The following ANKRD33B variants were observed in gnomAD, a reference collection of about 807,000 sequenced individuals.
ANKRD33B encodes ankyrin repeat domain-containing protein 33B.
Under a neutral mutation model 21.5 loss-of-function variants are expected in ANKRD33B, and 6 were observed. The ratio of observed to expected loss-of-function variants is 0.28; its 90% CI spans 0.15 to 0.55. The LOEUF is 0.55. ANKRD33B is among the 20% of genes least tolerant of loss of function. ANKRD33B has a pLI of 0.94. For missense variants in ANKRD33B, 698 were observed against 747.2 expected, an observed-to-expected ratio of 0.93 and a Z score of 0.77; for synonymous variants, 347 against 342.4, an observed-to-expected ratio of 1.01 and a Z score of -0.15.
At chr5:10,632,510 T>C (rs906212458) in intron 2 of ANKRD33B, among the ~76,000 whole-genome samples, 4 of 152,094 alleles carry the variant, frequency 2.6e-5, no homozygotes, top group African/African-American at 7.2e-5. Flanking sequence ...CCAGCTTTCC[T>C]CTTTTGCATA....
chr5:10,578,518 C>G (rs1479429881), intron 1 of ANKRD33B, among the ~76,000 whole-genome samples: 2 of 152,142 alleles, frequency 1.3e-5, no homozygotes, highest in East Asian at 3.9e-4. Flanking sequence ...CATGGGGACA[C>G]AGGACAGATA....
At chr5:10,565,007 C>T (rs1735016317) in intron 1 of ANKRD33B, among the ~76,000 whole-genome samples, 174 bp downstream of exon 1, 1 of 152,198 alleles carries the variant, frequency 6.6e-6, no homozygotes, top group African/African-American at 2.4e-5. Flanking sequence ...GGGTGGCTTC[C>T]CCGTCTCAGG....
chr5:10,574,727 G>C (rs1438483180), intron 1 of ANKRD33B, among the ~76,000 whole-genome samples: 1 of 152,130 alleles, frequency 6.6e-6, no homozygotes, highest in Non-Finnish European at 1.5e-5. Context: ...AGGATAACAG[G>C]TTATAGCACA....
chr5:10,592,713 G>A (rs773330670), intron 1 of ANKRD33B, among the ~76,000 whole-genome samples: 1 of 152,000 alleles, frequency 6.6e-6, no homozygotes, highest in Non-Finnish European at 1.5e-5. Context: ...TTGGCCACCT[G>A]TCTGCTCCTC....
At position 10,576,478 on chromosome 5, in the gene ANKRD33B, AGTTT is replaced by A. The variant is rs1735324469; in HGVS notation, c.366+11649_366+11652del. Among the ~76,000 whole-genome samples, 2 of 152,202 alleles carry A rather than the reference AGTTT, an allele frequency of 1.3e-5. No homozygotes were observed. Among genetic ancestry groups the A allele is most frequent in the Admixed American group, 1.3e-4 (2 of 15,278 alleles). On this transcript the variant is annotated intron_variant, in intron 1 of 3. Transcript: ENST00000296657. This position sits in a 1 kb window ranked among gnomAD's most constrained non-coding sequence, Gnocchi z 4.1. ...AGAACTTTTCTTAGAGTAGAAATCC[AGTTT>A]GTTGGTTGCATGATCCTGGACAAGT...
At chr5:10,635,392 C>G (rs981078360) in intron 2 of ANKRD33B, among the ~76,000 whole-genome samples, 5 of 152,190 alleles carry the variant, frequency 3.3e-5, no homozygotes, top group African/African-American at 1.2e-4. Context: ...CTCTGGGTAC[C>G]TGACAGCTGG....
chr5:10,649,932 C>A lies in ANKRD33B; in HGVS notation c.1304C>A (p.Thr435Asn). ...RVRVSKAPAP[T>N]FQPERPARKG... ...CGAGTCAGCAAGGCGCCCGCGCCCA[C>A]CTTCCAGCCCGAGCGGCCGGCGCGG... Residue 435 changes from threonine (T) to asparagine (N), a missense_variant, in exon 4 of 4, where the codon ACC becomes AAC. Thr to Asn is a moderately conservative substitution (Grantham distance 65, BLOSUM62 0). This residue lies in a region of ANKRD33B where 543 missense variants were observed against 566.5 expected (regional missense o/e 0.96). Transcript: ENST00000296657. 6.6e-7 allele frequency: 1 copy of A among 1,526,644 alleles called. No homozygotes were observed. The highest frequency in any genetic ancestry group is 8.8e-7 in the Non-Finnish European group (1 of 1,142,510). 94.6% of individuals were successfully genotyped at this position (1,526,644 alleles called of 1,614,324 possible). A position where few individuals can be genotyped will look rare whatever the true frequency, so the allele number is the denominator to read the frequency against.
intron 1 of ANKRD33B, among the ~76,000 whole-genome samples, chr5:10,568,639 A>T (rs1735110404): frequency 2.0e-5 from 3 of 152,184 alleles, no homozygotes; most frequent in South Asian, 4.1e-4. Flanking sequence ...GGTTCAAGTG[A>T]ATCTCCTGCC....
rs1560992695 is a variant in ANKRD33B, at chr5:10,653,946, C to G, written c.*3833C>G. On this transcript the variant is annotated 3_prime_UTR_variant, in exon 4 of 4. Transcript: ENST00000296657. ...CTTCTCTTCACCTGTCAGTGGCCACCACAGTGCCCCCTCTGGCTTTGCCAC... is the reference window on the plus strand; with the variant it reads ...CTTCTCTTCACCTGTCAGTGGCCACGACAGTGCCCCCTCTGGCTTTGCCAC... 6.6e-6 allele frequency: 1 copy of G among 152,542 alleles called. No homozygotes were observed. Among genetic ancestry groups the G allele is most frequent in the Admixed American group, 6.5e-5 (1 of 15,280 alleles). The allele number at this position is 152,542 out of a possible 1,614,324, so 9.4% of individuals were successfully genotyped here. A position where few individuals can be genotyped will look rare whatever the true frequency, so the allele number is the denominator to read the frequency against.
chr5:10,620,939 A>G (rs955454182), intron 2 of ANKRD33B, among the ~76,000 whole-genome samples: 4 of 152,172 alleles, frequency 2.6e-5, no homozygotes, highest in African/African-American at 9.7e-5. Context: ...CCTTTTCTGA[A>G]TCATTTATTT....
chr5:10,611,263 ATG>A (rs1277253761), intron 1 of ANKRD33B, among the ~76,000 whole-genome samples: 5 of 152,226 alleles, frequency 3.3e-5, no homozygotes, highest in Non-Finnish European at 7.3e-5. Flanking sequence ...ACCTTTGTTA[ATG>A]TTACCAATGA....
At position 10,564,401 on chromosome 5, in the gene ANKRD33B, GCGCGCGCCC is replaced by G; in HGVS notation, c.-62_-54del. ...GCAGAAGCGAGAAGCGGGGACCTCG[GCGCGCGCCC>G]CGCGTCCCGCTCTTCCTGCCCGCGC... On this transcript the variant is annotated 5_prime_UTR_variant, in exon 1 of 4. Coordinates refer to ENST00000296657, the MANE Select transcript of ANKRD33B (RefSeq NM_001164440.2). The G allele has an allele frequency of 1.0e-6, 1 of 990,908 alleles. No homozygotes were observed. The highest frequency in any genetic ancestry group is 1.2e-6 in the Non-Finnish European group (1 of 828,760). The allele number at this position is 990,908 out of a possible 1,614,324, so 61.4% of individuals were successfully genotyped here.
In ANKRD33B at chr5:10,650,139, C is replaced by CGGGGCT. The variant is rs61254624; in HGVS notation, c.*32_*37dup. The CGGGGCT allele has an allele frequency of 2.7e-5, 37 of 1,350,528 alleles. No homozygotes were observed. The highest frequency in any genetic ancestry group is 4.2e-5 in the South Asian group (3 of 71,896). The allele number at this position is 1,350,528 out of a possible 1,614,324, so 83.7% of individuals were successfully genotyped here. On this transcript the variant is annotated 3_prime_UTR_variant, in exon 4 of 4. Coordinates refer to ENST00000296657, the MANE Select transcript of ANKRD33B (RefSeq NM_001164440.2). ...GGGCCCGTGTGCCTGGCGCTGGGGCCGGGGCTGGGGCCGGGGCGGGGCCGC... is the reference window on the plus strand; with the variant it reads ...GGGCCCGTGTGCCTGGCGCTGGGGCCGGGGCTGGGGCTGGGGCCGGGGCGGGGCCGC...
At chr5:10,625,599 C>T (rs950115961) in intron 2 of ANKRD33B, among the ~76,000 whole-genome samples, 6 of 152,222 alleles carry the variant, frequency 3.9e-5, no homozygotes, top group Non-Finnish European at 7.3e-5. Flanking sequence ...ACCAAGACTT[C>T]AAATTTGAGA....
At chr5:10,638,394 G>A (rs1449976185) in intron 3 of ANKRD33B, among the ~76,000 whole-genome samples, 2 of 152,216 alleles carry the variant, frequency 1.3e-5, no homozygotes, top group Non-Finnish European at 2.9e-5. Context: ...GCTGAGCTTT[G>A]CAGTGGGTGG....
chr5:10,635,493 C>G (rs566358222), intron 2 of ANKRD33B, among the ~76,000 whole-genome samples: 1 of 152,188 alleles, frequency 6.6e-6, no homozygotes, highest in African/African-American at 2.4e-5. Context: ...CTGTGAGTCA[C>G]GCAGCGAGGG....
intron 1 of ANKRD33B, among the ~76,000 whole-genome samples, chr5:10,590,605 CGCGTGT>C (rs1329469515): frequency 0.012 from 1,119 of 95,342 alleles, 13 homozygotes; most frequent in African/African-American, 0.05. Flanking sequence ...CGCGCGCGCG[CGCGTGT>C]GTGTGTGTGT....
At chr5:10,609,417 T>G (rs1736117432) in intron 1 of ANKRD33B, among the ~76,000 whole-genome samples, 1 of 151,830 alleles carries the variant, frequency 6.6e-6, no homozygotes, top group South Asian at 2.1e-4. Flanking sequence ...CTGGATGTGG[T>G]GGTGCTCACC....
At chr5:10,607,636 G>C (rs542166724) in intron 1 of ANKRD33B, among the ~76,000 whole-genome samples, 67 of 152,342 alleles carry the variant, frequency 4.4e-4, no homozygotes, top group African/African-American at 1.4e-3. Flanking sequence ...ACTTTCACCA[G>C]CTTCTTCACA....
Sources: gnomAD v4.1 joint callset for allele counts (sites outside exome capture counted in the v4.1 genomes callset) on GRCh38, gnomAD v4.1.1 for gene constraint, gnomAD v4.1.1 regional missense constraint, Gnocchi (gnomAD v3.1) non-coding constraint, MANE v1.5 for transcripts, NCBI Gene and HGNC (gene_info 2026-07-23, HGNC 2026-07-21) for gene names.